The following DDX54 variants were observed in gnomAD, a reference collection of about 807,000 sequenced individuals.
DDX54 encodes the protein DEAD-box helicase 54, also known as ATP-dependent RNA helicase DDX54.
Under a neutral mutation model 105.5 loss-of-function variants are expected in DDX54, and 67 were observed. The ratio of observed to expected loss-of-function variants is 0.64; its 90% CI spans 0.52 to 0.78. The LOEUF is 0.78. DDX54 is among the 30% of genes least tolerant of loss of function. The probability of loss-of-function intolerance (pLI) is 0.00; values close to 1 mark genes in which losing one functional copy is unlikely to be tolerated. For missense variants in DDX54, 1,206 were observed against 1,230.5 expected, an observed-to-expected ratio of 0.98 and a Z score of 0.30; for synonymous variants, 514 against 509.9, an observed-to-expected ratio of 1.01 and a Z score of -0.11.
intron 19 of DDX54, 60 bp from the exon 20 acceptor site, chr12:113,159,169 C>T: frequency 1.3e-6 from 2 of 1,507,810 alleles, no homozygotes; most frequent in Non-Finnish European, 1.8e-6. Context: ...ATCCCCTCCT[C>T]CCAGAAGCTT....
intron 12 of DDX54, among the ~76,000 whole-genome samples, chr12:113,169,426 G>C (rs1952309584): frequency 2.0e-5 from 3 of 152,068 alleles, no homozygotes; most frequent in Admixed American, 2.0e-4. Flanking sequence ...AGATCAGCCT[G>C]GCCAACATGG....
At chr12:113,184,996 C>T in intron 1 of DDX54, among the ~76,000 whole-genome samples, 1 of 152,196 alleles carries the variant, frequency 6.6e-6, no homozygotes, top group East Asian at 1.9e-4. Context: ...GGATCCGCCC[C>T]ACGAGCAGGA....
At position 113,172,502 on chromosome 12, in the gene DDX54, C is replaced by A. The variant is rs1028379992; in HGVS notation, c.1130G>T (p.Arg377Leu). 1 of 1,614,222 alleles carries A rather than the reference C, an allele frequency of 6.2e-7. No homozygotes were observed. Among genetic ancestry groups the A allele is most frequent in the Non-Finnish European group, 8.5e-7 (1 of 1,180,042 alleles). Residue 377 changes from arginine to leucine, a missense_variant, in exon 11 of 20, where the codon CGC becomes CTC. Transcript: ENST00000306014. ...HIYSALDPTA[R>L]KINLAKFTLG... ...CGTGAATTTGGCGAGATTGATCTTG[C>A]GGGCTGTCGGGTCTAGGGCACTGTA...
chr12:113,179,425 G>C, intron 3 of DDX54, 94 bp from the exon 4 acceptor site: 1 of 1,382,918 alleles, frequency 7.2e-7, no homozygotes, highest in South Asian at 1.3e-5. Context: ...GCATGCTATA[G>C]ATCTCAGTGA....
Position 113,161,317 on chromosome 12 carries a change from T to C in DDX54, c.2366A>G (p.Asp789Gly). The C allele has an allele frequency of 1.2e-6, 2 of 1,613,634 alleles. No individual in the cohort carries two copies. Among genetic ancestry groups the C allele is most frequent in the Non-Finnish European group, 1.7e-6 (2 of 1,179,762 alleles). Residue 789 changes from aspartate (D) to glycine (G), a missense_variant, in exon 19 of 20, where the codon GAC (aspartate) becomes GGC (glycine). Asp to Gly is a moderately conservative substitution (Grantham distance 94). This residue lies in a region of DDX54 where 961 missense variants were observed against 1,019.1 expected (regional missense o/e 0.94). Transcript: ENST00000306014. The stretch of plus-strand genomic sequence containing the variant: ...ACCTCTTCGCTCTGGGCCTCGCCGG[T>C]CAGATGCCCCTTCTTCGTCCGAGTC... ...DRDSDEEGAS[D>G]RRGPERRGGK...
At chr12:113,160,250 G>A (rs1305374618) in intron 19 of DDX54, among the ~76,000 whole-genome samples, 2 of 152,050 alleles carry the variant, frequency 1.3e-5, no homozygotes, top group African/African-American at 4.8e-5. Flanking sequence ...GAGACACCCA[G>A]GGGAGGCAGT....
Position 113,185,465 on chromosome 12 carries a change from T to C in DDX54, c.-14A>G, listed in dbSNP as rs1952521152. Reference sequence around the variant, plus strand: ...GTCGGCCGCCATTCGGGCCGCGCGCTGGGAACGCAGAAGGGGGCGTGGCCT... The same window carrying C: ...GTCGGCCGCCATTCGGGCCGCGCGCCGGGAACGCAGAAGGGGGCGTGGCCT... On this transcript the variant is annotated 5_prime_UTR_variant, in exon 1 of 20. Coordinates refer to ENST00000306014, the MANE Select transcript of DDX54 (RefSeq NM_024072.4). The C allele has an allele frequency of 6.9e-7, 1 of 1,456,028 alleles. No homozygotes were observed. Among genetic ancestry groups the C allele is most frequent in the Non-Finnish European group, 9.1e-7 (1 of 1,102,756 alleles). 90.2% of individuals were successfully genotyped at this position (1,456,028 alleles called of 1,614,324 possible).
intron 12 of DDX54, among the ~76,000 whole-genome samples, chr12:113,167,592 G>A (rs1299730851): frequency 6.6e-6 from 1 of 152,196 alleles, no homozygotes; most frequent in Admixed American, 6.5e-5. Context: ...CACGTGGTAA[G>A]GGTCAGGGTC....
Position 113,176,888 on chromosome 12 carries a change from C to A in DDX54, c.704G>T (p.Ser235Ile). The A allele has an allele frequency of 6.2e-7, 1 of 1,614,216 alleles. No homozygotes were observed. The highest frequency in any genetic ancestry group is 1.6e-4 in the Middle Eastern group (1 of 6,062). ...GRLVHVAVEM[S>I]LKLQSVEYVV... ...GTATTCCACACTCTGCAGCTTCAGG[C>A]TCATTTCCACAGCCACATGCACCAA... The change falls in exon 7 of 20, where the codon AGC becomes ATC. Residue 235 changes from serine (S) to isoleucine (I), a missense_variant. By Grantham distance (142) the Ser-to-Ile change is moderately radical. This residue lies in a region of DDX54 where 961 missense variants were observed against 1,019.1 expected (regional missense o/e 0.94). Coordinates refer to ENST00000306014, the MANE Select transcript of DDX54 (RefSeq NM_024072.4).
At chr12:113,174,359 C>T (rs1423468623) in intron 10 of DDX54, among the ~76,000 whole-genome samples, 2 of 151,876 alleles carry the variant, frequency 1.3e-5, no homozygotes, top group African/African-American at 2.4e-5. Context: ...TGGTGACATG[C>T]GCCAGAAGTC....
At chr12:113,178,921 G>A in intron 5 of DDX54, 56 bp downstream of exon 5, 1 of 1,597,916 alleles carries the variant, frequency 6.3e-7, no homozygotes, top group Admixed American at 1.7e-5. Flanking sequence ...ATGTCCTGGA[G>A]ACACAGAGAT....
chr12:113,185,110 C>G (rs1002187764), intron 1 of DDX54, among the ~76,000 whole-genome samples, 168 bp downstream of exon 1: 1 of 152,234 alleles, frequency 6.6e-6, no homozygotes, highest in African/African-American at 2.4e-5. Flanking sequence ...CCTGACAAGC[C>G]CCGAGACACG....
intron 18 of DDX54, 138 bp from the exon 19 acceptor site, chr12:113,161,520 C>T (rs980518210): frequency 2.7e-5 from 18 of 660,712 alleles, no homozygotes; most frequent in Admixed American, 5.5e-5. Flanking sequence ...CACACAGGTC[C>T]CACTTATTGG....
In DDX54 at chr12:113,158,034, C is replaced by A. The variant is rs1952155858; in HGVS notation, c.*843G>T. On this transcript the variant is annotated 3_prime_UTR_variant, in exon 20 of 20. Coordinates refer to ENST00000306014, the MANE Select transcript of DDX54 (RefSeq NM_024072.4). The surrounding 1 kb of genome is among the most constrained non-coding windows in gnomAD (Gnocchi z 4.9). Reference sequence around the variant, plus strand: ...AGGGTCCATGCTAGATGAGAGATCACCAAGGCCCCCTCCACTATGGACTCT... The same window carrying A: ...AGGGTCCATGCTAGATGAGAGATCAACAAGGCCCCCTCCACTATGGACTCT... 1 of 251,682 alleles carries A rather than the reference C, an allele frequency of 4.0e-6. No individual in the cohort carries two copies. Among genetic ancestry groups the A allele is most frequent in the Non-Finnish European group, 7.8e-6 (1 of 128,256 alleles). 15.6% of individuals were successfully genotyped at this position (251,682 alleles called of 1,614,324 possible).
At chr12:113,181,149 C>G (rs1593009798) in intron 1 of DDX54, 91 bp from the exon 2 acceptor site, 1 of 1,435,646 alleles carries the variant, frequency 7.0e-7, no homozygotes, top group East Asian at 2.6e-5. Context: ...CCCTCTCTCC[C>G]CCATTCAAGC....
In DDX54 at chr12:113,163,164, G is replaced by A. The variant is rs1308087056; in HGVS notation, c.2049C>T (p.Pro683=). The A allele has an allele frequency of 6.2e-7, 1 of 1,613,148 alleles. No individual in the cohort carries two copies. Among genetic ancestry groups the A allele is most frequent in the South Asian group, 1.1e-5 (1 of 91,088 alleles). The change falls in exon 16 of 20, where the codon CCC becomes CCT. Residue 683 remains proline (P), a synonymous_variant. Coordinates refer to ENST00000306014, the MANE Select transcript of DDX54 (RefSeq NM_024072.4). This position sits in a 1 kb window ranked among gnomAD's most constrained non-coding sequence, Gnocchi z 5.9. ...ARQRDQEFYI[P]YRPKDFDSER... Reference sequence around the variant, plus strand: ...CGCTGTCAAAGTCCTTGGGCCGGTAGGGGATGTAGAATTCCTGGTCCCGCT... The same window carrying A: ...CGCTGTCAAAGTCCTTGGGCCGGTAAGGGATGTAGAATTCCTGGTCCCGCT...
intron 3 of DDX54, 58 bp from the exon 4 acceptor site, chr12:113,179,389 C>CA: frequency 6.3e-7 from 1 of 1,577,554 alleles, no homozygotes; most frequent in Non-Finnish European, 8.6e-7. Flanking sequence ...CCATGTGATC[C>CA]AGAGCTTCAA....
At chr12:113,179,547 TG>T (rs1373225348) in intron 3 of DDX54, among the ~76,000 whole-genome samples, 1 of 152,238 alleles carries the variant, frequency 6.6e-6, no homozygotes, top group Non-Finnish European at 1.5e-5. Context: ...TTTCCATTGC[TG>T]GAACACCCTT....
intron 12 of DDX54, chr12:113,167,986 C>T (rs1952295940): frequency 2.0e-6 from 1 of 497,148 alleles, no homozygotes; most frequent in Admixed American, 2.0e-5. Flanking sequence ...AGCTTTGCCC[C>T]CAGGAAAATG....
Sources: gnomAD v4.1 joint callset for allele counts (sites outside exome capture counted in the v4.1 genomes callset) on GRCh38, gnomAD v4.1.1 for gene constraint, gnomAD v4.1.1 regional missense constraint, Gnocchi (gnomAD v3.1) non-coding constraint, MANE v1.5 for transcripts, NCBI Gene and HGNC (gene_info 2026-07-23, HGNC 2026-07-21) for gene names.